HSD17B12: variants seen among roughly 807,000 people sequenced by gnomAD.
HSD17B12 encodes very-long-chain 3-oxoacyl-CoA reductase.
In HSD17B12, 32 loss-of-function variants were observed where a neutral mutation model predicts 39.3. The ratio of observed to expected loss-of-function variants is 0.81; its 90% CI spans 0.61 to 1.09. The LOEUF (loss-of-function observed/expected upper bound fraction) is 1.09. Among genes scored for constraint, HSD17B12 ranks in the 50% least tolerant of loss-of-function variants. The pLI, the probability that HSD17B12 is intolerant of heterozygous loss-of-function variation, is 0.00. For missense variants in HSD17B12, 342 were observed against 382.9 expected (o/e 0.89, Z 0.89); for synonymous variants, 150 against 146.7 (o/e 1.02, Z -0.16).
the HSD17B12 span, among the ~76,000 whole-genome samples, chr11:43,580,224 G>T: frequency 6.6e-6 from 1 of 151,628 alleles, no homozygotes; most frequent in African/African-American, 2.4e-5. Context: ...GTGAGGGAAG[G>T]AGATCTCCTT....
At chr11:43,603,547 G>T in the HSD17B12 span, among the ~76,000 whole-genome samples, 2 of 152,072 alleles carry the variant, frequency 1.3e-5, no homozygotes, top group Admixed American at 6.6e-5. Flanking sequence ...TATGTGCTGG[G>T]GTTCCTAAAG....
At chr11:43,635,075 T>C in the HSD17B12 span, among the ~76,000 whole-genome samples, 1 of 151,866 alleles carries the variant, frequency 6.6e-6, no homozygotes, top group Admixed American at 6.6e-5. Context: ...TCAGCAAATA[T>C]AAAAAAAACA....
At chr11:43,670,717 CT>C in the HSD17B12 span, among the ~76,000 whole-genome samples, 20 of 152,134 alleles carry the variant, frequency 1.3e-4, 1 homozygote, top group East Asian at 3.9e-3. Flanking sequence ...ATAGCAAGGC[CT>C]TGTCTCTACA....
the HSD17B12 span, among the ~76,000 whole-genome samples, chr11:43,630,258 A>T: frequency 6.6e-6 from 1 of 152,162 alleles, no homozygotes; most frequent in African/African-American, 2.4e-5. Context: ...TGGGCAAATC[A>T]TTTCCTTTCT....
rs779656241 is a variant in HSD17B12 at position 43,680,878 on chromosome 11, C to T, written c.51C>T (p.Gly17=). Residue 17 remains glycine (G), a synonymous_variant, in exon 1 of 11, where the codon GGC becomes GGT. Coordinates refer to ENST00000278353, the MANE Select transcript of HSD17B12 (RefSeq NM_016142.3). ...AAGFLYWVGA[G]TVAYLALRIS... ...GCTTCCTGTACTGGGTCGGCGCGGGCACCGTGGCCTACCTAGCCCTGCGTA... is the reference window on the plus strand; with the variant it reads ...GCTTCCTGTACTGGGTCGGCGCGGGTACCGTGGCCTACCTAGCCCTGCGTA... 1 of 1,614,004 alleles carries T rather than the reference C, an allele frequency of 6.2e-7. No individual in the cohort carries two copies. Among genetic ancestry groups the T allele is most frequent in the Non-Finnish European group, 8.5e-7 (1 of 1,180,028 alleles).
chr11:43,696,695 A>G (rs914441618), intron 1 of HSD17B12, among the ~76,000 whole-genome samples: 4 of 152,214 alleles, frequency 2.6e-5, no homozygotes, highest in Admixed American at 6.5e-5. Flanking sequence ...TCATTCTACT[A>G]TAAAGACACA....
chr11:43,648,004 A>C, the HSD17B12 span, among the ~76,000 whole-genome samples: 13 of 152,234 alleles, frequency 8.5e-5, no homozygotes. Flanking sequence ...TTACTTCAAA[A>C]TGCTGAATGT....
At chr11:43,772,972 G>A (rs1369694722) in intron 3 of HSD17B12, among the ~76,000 whole-genome samples, 5 of 152,060 alleles carry the variant, frequency 3.3e-5, no homozygotes, top group Non-Finnish European at 5.9e-5. Context: ...ATAGCTGGGT[G>A]CGGTGGCACG....
At chr11:43,782,853 C>G (rs949246150) in intron 3 of HSD17B12, among the ~76,000 whole-genome samples, 1 of 152,084 alleles carries the variant, frequency 6.6e-6, no homozygotes, top group African/African-American at 2.4e-5. Context: ...AGGAAACTGG[C>G]AGACACTACC....
intron 3 of HSD17B12, among the ~76,000 whole-genome samples, chr11:43,792,484 A>G (rs2135033357): frequency 6.6e-6 from 1 of 152,236 alleles, no homozygotes; most frequent in East Asian, 1.9e-4. Context: ...CAAGACTGGA[A>G]TAAGGGAGAT....
the HSD17B12 span, among the ~76,000 whole-genome samples, chr11:43,675,273 A>G: frequency 1.3e-5 from 2 of 152,332 alleles, no homozygotes; most frequent in African/African-American, 4.8e-5. Context: ...TATTTGGGAA[A>G]GTTATGAAGG....
chr11:43,750,937 G>A lies in HSD17B12; in HGVS notation c.187G>A (p.Gly63Arg). The A allele has an allele frequency of 6.2e-7, 1 of 1,602,010 alleles. No homozygotes were observed. The highest frequency in any genetic ancestry group is 1.1e-5 in the South Asian group (1 of 89,276). ...AVVTGSTDGI[G>R]KSYAEELAKH... ...TGTCACAGGTAGTACTGATGGAATT[G>A]GAAAATCATATGCAGAAGAGGTAGG... is the stretch of plus-strand genomic sequence containing the variant. Residue 63 changes from glycine (G) to arginine (R), a missense_variant, in exon 2 of 11, where the codon GGA becomes AGA. Physicochemically the swap from Gly to Arg is moderately radical, Grantham distance 125. Coordinates refer to ENST00000278353, the MANE Select transcript of HSD17B12 (RefSeq NM_016142.3).
rs916338113 is a variant in HSD17B12, at chr11:43,831,261, C to T, written c.536+251C>T. 3.6e-6 allele frequency: 1 copy of T among 274,864 alleles called. No individual in the cohort carries two copies. Among genetic ancestry groups the T allele is most frequent in the African/African-American group, 2.2e-5 (1 of 45,356 alleles). The allele number at this position is 274,864 out of a possible 1,614,324, so 17.0% of individuals were successfully genotyped here. ...TTCCTTTAGATCAGGATGAAAAAGC[C>T]TGCCTGAGTCACCATCACTAACTCA... On this transcript the variant is annotated intron_variant, in intron 7 of 10. Transcript: ENST00000278353. This position sits in a 1 kb window ranked among gnomAD's most constrained non-coding sequence, Gnocchi z 4.1.
the HSD17B12 span, among the ~76,000 whole-genome samples, chr11:43,648,493 T>G: frequency 6.6e-6 from 1 of 152,132 alleles, no homozygotes; most frequent in African/African-American, 2.4e-5. Flanking sequence ...TGAAGAGAGA[T>G]GCATGATTTG....
the HSD17B12 span, among the ~76,000 whole-genome samples, chr11:43,585,966 G>C: frequency 2.6e-5 from 4 of 152,184 alleles, no homozygotes; most frequent in Non-Finnish European, 5.9e-5. Context: ...AAACTGGAAA[G>C]AACTATAGAG....
At position 43,815,345 on chromosome 11, in the gene HSD17B12, T is replaced by C. The variant is rs1951111970; in HGVS notation, c.392-92T>C. The C allele has an allele frequency of 1.0e-5, 6 of 594,886 alleles. No individual in the cohort carries two copies. The South Asian group carries it at 1.9e-4, about 19-fold the overall frequency. 36.9% of individuals were successfully genotyped at this position (594,886 alleles called of 1,614,324 possible). A position where few individuals can be genotyped will look rare whatever the true frequency, so the allele number is the denominator to read the frequency against. On this transcript the variant is annotated intron_variant, in intron 4 of 10. Transcript: ENST00000278353. ...ACAGCATTTTATATAATTATATATA[T>C]CATATTAGTCTTGATATCTTTAATG...
chr11:43,816,436 C>A, intron 6 of HSD17B12, 45 bp downstream of exon 6: 1 of 1,477,684 alleles, frequency 6.8e-7, no homozygotes, highest in Non-Finnish European at 9.1e-7. Context: ...TTGGTTCCTT[C>A]TATTCAAAAA....
chr11:43,721,819 G>T (rs753295719), intron 1 of HSD17B12, among the ~76,000 whole-genome samples: 2 of 152,140 alleles, frequency 1.3e-5, no homozygotes, highest in Non-Finnish European at 2.9e-5. Flanking sequence ...GTAATGGGAA[G>T]TCATTGAAGG....
At chr11:43,757,687 CAAAT>C (rs937228253) in intron 3 of HSD17B12, among the ~76,000 whole-genome samples, 16 of 89,516 alleles carry the variant, frequency 1.8e-4, no homozygotes, top group Non-Finnish European at 1.9e-4. Flanking sequence ...AAAAAACAAA[CAAAT>C]AAACCAAACC....
Sources: gnomAD v4.1 joint callset for allele counts (sites outside exome capture counted in the v4.1 genomes callset) on GRCh38, gnomAD v4.1.1 for gene constraint, Gnocchi (gnomAD v3.1) non-coding constraint, MANE v1.5 for transcripts, NCBI Gene and HGNC (gene_info 2026-07-23, HGNC 2026-07-21) for gene names.